MDN1: variants seen among roughly 807,000 people sequenced by gnomAD.
MDN1 encodes midasin AAA ATPase 1.
Under a neutral mutation model 669.2 loss-of-function variants are expected in MDN1, and 266 were observed. The observed-to-expected ratio is 0.40, with a 90% CI of 0.36 to 0.44. MDN1 has a LOEUF of 0.44. Ranked by LOEUF, MDN1 falls within the 20% of genes least tolerant of loss-of-function variation. The probability of loss-of-function intolerance (pLI) is 1.00; values close to 1 mark genes in which losing one functional copy is unlikely to be tolerated. For missense variants in MDN1, 5,940 were observed against 6,754.0 expected, an observed-to-expected ratio of 0.88 and a Z score of 4.22; for synonymous variants, 2,385 against 2,457.1, an observed-to-expected ratio of 0.97 and a Z score of 0.87.
chr6:89,674,848 T>G (rs1811076167), intron 78 of MDN1, among the ~76,000 whole-genome samples: 1 of 152,196 alleles, frequency 6.6e-6, no homozygotes, highest in South Asian at 2.1e-4. Context: ...CTAGTAAATG[T>G]GCTGTACTTT....
chr6:89,786,240 A>G (rs911728918), intron 8 of MDN1, among the ~76,000 whole-genome samples: 1 of 151,546 alleles, frequency 6.6e-6, no homozygotes, highest in African/African-American at 2.4e-5. Context: ...CTTGGATGAC[A>G]GAGTGAGACT....
chr6:89,718,691 A>G, intron 42 of MDN1, 64 bp from the exon 43 acceptor site: 1 of 1,606,924 alleles, frequency 6.2e-7, no homozygotes, highest in Non-Finnish European at 8.5e-7. Context: ...TGTACTCATC[A>G]CCAACTCAGA....
At chr6:89,787,725 C>A in intron 8 of MDN1, 129 bp downstream of exon 8, 1 of 615,852 alleles carries the variant, frequency 1.6e-6, no homozygotes, top group Non-Finnish European at 2.8e-6. Flanking sequence ...AAGGTTAGAC[C>A]TGTTATCACT....
intron 29 of MDN1, among the ~76,000 whole-genome samples, chr6:89,744,368 C>T (rs1164125593): frequency 6.6e-6 from 1 of 152,046 alleles, no homozygotes; most frequent in Non-Finnish European, 1.5e-5. Flanking sequence ...ATCACTTGGG[C>T]CCAGGAGTTC....
chr6:89,662,768 G>A (rs1809890694), intron 86 of MDN1, 24 bp downstream of exon 86: 1 of 1,612,214 alleles, frequency 6.2e-7, no homozygotes, highest in South Asian at 1.1e-5. Context: ...AGCTTGTTTG[G>A]GAGGGGAGAA....
chr6:89,696,177 T>C (rs1388294908), intron 60 of MDN1, among the ~76,000 whole-genome samples, 183 bp downstream of exon 60: 1 of 152,176 alleles, frequency 6.6e-6, no homozygotes, highest in Non-Finnish European at 1.5e-5. Flanking sequence ...ACAATATGCT[T>C]AAAACTGACA....
intron 2 of MDN1, among the ~76,000 whole-genome samples, chr6:89,796,327 AAAAAAAAAAAAAAAAAAAAAAAAC>A (rs1431910239): frequency 6.8e-5 from 7 of 103,060 alleles, no homozygotes; most frequent in African/African-American, 2.1e-4. Context: ...TCTGTCTCAA[AAAAAAAAAAAAAAAAAAAAAAAAC>A]AAAAAAAAAA....
intron 69 of MDN1, 45 bp downstream of exon 69, chr6:89,686,857 G>T (rs542641124): frequency 1.2e-6 from 2 of 1,607,254 alleles, no homozygotes; most frequent in Non-Finnish European, 1.7e-6. Flanking sequence ...ACTCCATTTA[G>T]CCGGGAAGCT....
intron 75 of MDN1, among the ~76,000 whole-genome samples, chr6:89,678,083 C>T (rs1318606755): frequency 6.6e-6 from 1 of 152,152 alleles, no homozygotes; most frequent in Admixed American, 6.5e-5. Flanking sequence ...ACCATCCTGG[C>T]TAACACGGTG....
At chr6:89,744,426 G>T (rs1326833094) in intron 29 of MDN1, among the ~76,000 whole-genome samples, 4 of 149,824 alleles carry the variant, frequency 2.7e-5, no homozygotes, top group South Asian at 2.1e-4. Context: ...TTTTTAGTCA[G>T]GGCTTCACTC....
In MDN1 at chr6:89,761,661, A is replaced by C; in HGVS notation, c.2444T>G (p.Leu815Trp). 6.2e-7 allele frequency: 1 copy of C among 1,609,540 alleles called. No individual in the cohort carries two copies. Among genetic ancestry groups the C allele is most frequent in the Non-Finnish European group, 8.5e-7 (1 of 1,177,502 alleles). ...CAGAAATACCTCTACAAATGCGAAC[A>C]ATAAGGTATTTTCAGTCATTTTCAT... ...QQMKMTENTLLFAFVEGTLAQ... is the reference protein window; with the variant it reads ...QQMKMTENTLWFAFVEGTLAQ... Residue 815 changes from leucine (L) to tryptophan (W), a missense_variant, in exon 17 of 102, where the codon TTG becomes TGG. Coordinates refer to ENST00000369393, the MANE Select transcript of MDN1 (RefSeq NM_014611.3).
intron 12 of MDN1, 140 bp downstream of exon 12, chr6:89,776,460 G>C (rs1197354464): frequency 1.6e-6 from 1 of 610,810 alleles, no homozygotes; most frequent in African/African-American, 1.9e-5. Flanking sequence ...GCCCACGAGA[G>C]GCTGCAATAA....
intron 8 of MDN1, among the ~76,000 whole-genome samples, chr6:89,785,708 A>T (rs1818919204): frequency 6.6e-6 from 1 of 152,234 alleles, no homozygotes; most frequent in Non-Finnish European, 1.5e-5. Flanking sequence ...TATACACTCA[A>T]CTGTGACTGA....
At chr6:89,782,604 A>AAT (rs1818735749) in intron 9 of MDN1, among the ~76,000 whole-genome samples, 2 of 144,202 alleles carry the variant, frequency 1.4e-5, no homozygotes, top group Admixed American at 7.0e-5. Flanking sequence ...TTTCCTCAAA[A>AAT]AATAATAATA....
chr6:89,690,338 C>T (rs1267382599), intron 64 of MDN1, among the ~76,000 whole-genome samples, 195 bp from the exon 65 acceptor site: 3 of 151,886 alleles, frequency 2.0e-5, no homozygotes, highest in East Asian at 1.9e-4. Flanking sequence ...TTTGGGAGGC[C>T]GAGGAGGGAG....
At position 89,714,734 on chromosome 6, in the gene MDN1, T is replaced by C. The variant is rs1291696526; in HGVS notation, c.6878A>G (p.Asp2293Gly). The C allele has an allele frequency of 2.5e-6, 4 of 1,609,498 alleles. No individual in the cohort carries two copies. Among genetic ancestry groups the C allele is most frequent in the Non-Finnish European group, 3.4e-6 (4 of 1,178,798 alleles). Residue 2293 changes from aspartate (D) to glycine (G), a missense_variant, in exon 46 of 102, where the codon GAT becomes GGT. Coordinates refer to ENST00000369393, the MANE Select transcript of MDN1 (RefSeq NM_014611.3). ...NPNFRLFLSM[D>G]PVHGDISRAM... ...TCGGGATATATCTCCATGAACAGGATCCATCGAGAGGAAAAGTCTAGAAAA... is the reference window on the plus strand; with the variant it reads ...TCGGGATATATCTCCATGAACAGGACCCATCGAGAGGAAAAGTCTAGAAAA...
intron 1 of MDN1, among the ~76,000 whole-genome samples, chr6:89,813,955 C>T (rs893370683): frequency 7.3e-5 from 11 of 151,110 alleles, no homozygotes; most frequent in Admixed American, 5.9e-4. Context: ...TAGCCAGACG[C>T]GGTGGCATGC....
intron 37 of MDN1, among the ~76,000 whole-genome samples, chr6:89,726,343 GC>G (rs1374003032): frequency 1.3e-5 from 2 of 151,674 alleles, no homozygotes; most frequent in Non-Finnish European, 2.9e-5. Flanking sequence ...TGTAATCCCA[GC>G]TACTCAGGTG....
chr6:89,815,356 A>T, intron 1 of MDN1: 1 of 460,044 alleles, frequency 2.2e-6, no homozygotes, highest in Non-Finnish European at 4.3e-6. Context: ...GGCGGAAGAG[A>T]GTGGTGAAAT....
Sources: gnomAD v4.1 joint callset for allele counts (sites outside exome capture counted in the v4.1 genomes callset) on GRCh38, gnomAD v4.1.1 for gene constraint, MANE v1.5 for transcripts, NCBI Gene and HGNC (gene_info 2026-07-23, HGNC 2026-07-21) for gene names.